Variants in PAM observed in about 807,000 individuals in gnomAD.
The protein encoded by PAM is peptidyl-glycine alpha-amidating monooxygenase.
Under a neutral mutation model 122.1 loss-of-function variants are expected in PAM, and 72 were observed. The ratio of observed to expected loss-of-function variants is 0.59; its 90% confidence interval spans 0.49 to 0.72. The LOEUF is 0.72. Among genes scored for constraint, PAM ranks in the 30% least tolerant of loss-of-function variants. PAM has a pLI of 0.00. For synonymous variants in PAM, 389 were observed against 404.4 expected (o/e 0.96, Z 0.46); for missense variants, 1,106 against 1,183.7 (o/e 0.93, Z 0.96).
chr5:102,795,523 G>T (rs1763180021), intron 1 of PAM, among the ~76,000 whole-genome samples: 3 of 152,140 alleles, frequency 2.0e-5, no homozygotes, highest in African/African-American at 7.2e-5. Context: ...TATCTGTTTT[G>T]TATCAGGCTA....
intron 1 of PAM, among the ~76,000 whole-genome samples, chr5:102,807,265 G>C (rs1016831815): frequency 6.6e-6 from 1 of 152,206 alleles, no homozygotes; most frequent in Non-Finnish European, 1.5e-5. Context: ...AATAAGTGTA[G>C]TATTTCATTA....
chr5:102,953,606 TAGAC>T (rs1478683730), intron 12 of PAM, among the ~76,000 whole-genome samples: 1 of 152,146 alleles, frequency 6.6e-6, no homozygotes, highest in African/African-American at 2.4e-5. Flanking sequence ...AAGTTTCAGA[TAGAC>T]AGGAGGAATA....
intron 1 of PAM, among the ~76,000 whole-genome samples, chr5:102,842,317 C>T (rs1277692712): frequency 6.6e-6 from 1 of 151,690 alleles, no homozygotes; most frequent in African/African-American, 2.4e-5. Flanking sequence ...CTTAAATTCC[C>T]ATGTGTTGTG....
At chr5:102,824,906 A>G (rs1773130148) in intron 1 of PAM, among the ~76,000 whole-genome samples, 1 of 152,244 alleles carries the variant, frequency 6.6e-6, no homozygotes, top group Non-Finnish European at 1.5e-5. Flanking sequence ...ACCTATATGT[A>G]GTTCCTAAAT....
intron 21 of PAM, among the ~76,000 whole-genome samples, chr5:103,015,079 C>G (rs1781608966): frequency 6.6e-6 from 1 of 152,190 alleles, no homozygotes; most frequent in Non-Finnish European, 1.5e-5. Flanking sequence ...GAAAAGTTCA[C>G]TTAAGTTAAA....
At chr5:103,015,529 C>T (rs1036845621) in intron 21 of PAM, among the ~76,000 whole-genome samples, 2 of 152,080 alleles carry the variant, frequency 1.3e-5, no homozygotes, top group Non-Finnish European at 2.9e-5. Flanking sequence ...AAAGCTTGGT[C>T]CTAAAATTTA....
chr5:102,775,514 C>T (rs111941033), intron 1 of PAM, among the ~76,000 whole-genome samples: 3,114 of 152,110 alleles, frequency 0.02, 79 homozygotes, highest in East Asian at 0.14. Flanking sequence ...CCGAAAGGCC[C>T]CAGTGTGTGT....
chr5:103,006,743 G>A (rs1582830544), intron 18 of PAM, 58 bp from the exon 19 acceptor site: 2 of 1,202,132 alleles, frequency 1.7e-6, no homozygotes, highest in South Asian at 2.7e-5. Context: ...TAGTCATGTG[G>A]GTGTAAGTCA....
At chr5:102,913,177 A>C (rs80322796) in intron 4 of PAM, among the ~76,000 whole-genome samples, 3,400 of 152,082 alleles carry the variant, frequency 0.022, 149 homozygotes, top group African/African-American at 0.076. Context: ...ATGAGAACGC[A>C]AAAGGATGAG....
chr5:102,883,486 G>T (rs547262749), intron 3 of PAM, among the ~76,000 whole-genome samples: 5 of 151,922 alleles, frequency 3.3e-5, no homozygotes, highest in African/African-American at 9.6e-5. Context: ...TGTAAAAGGG[G>T]TTGAGTCCTT....
intron 5 of PAM, among the ~76,000 whole-genome samples, chr5:102,924,451 A>G (rs1020042748): frequency 2.2e-4 from 33 of 151,222 alleles, no homozygotes; most frequent in Non-Finnish European, 3.8e-4. Context: ...AAAAAAAAAA[A>G]CAAAAAAACT....
At chr5:102,899,607 G>A (rs1797112829) in intron 3 of PAM, among the ~76,000 whole-genome samples, 1 of 151,554 alleles carries the variant, frequency 6.6e-6, no homozygotes, top group Admixed American at 6.6e-5. Context: ...TCACATTGCT[G>A]GGAATGATCT....
intron 1 of PAM, among the ~76,000 whole-genome samples, chr5:102,837,165 A>G (rs1372224068): frequency 6.6e-6 from 1 of 152,136 alleles, no homozygotes; most frequent in African/African-American, 2.4e-5. Context: ...CCCTTTTCTT[A>G]CTTCCCATTA....
rs1049853064 is a variant in PAM, at chr5:102,869,209, G to T, written c.210+1816G>T. On this transcript the variant is annotated intron_variant, in intron 3 of 25. Coordinates refer to ENST00000438793, the MANE Select transcript of PAM (RefSeq NM_001177306.2). ...TGTATCCCGCCTCCCTTTCCGCAATGATTGGTTCAAAAGAAAGTGTGTGAT... is the reference window on the plus strand; with the variant it reads ...TGTATCCCGCCTCCCTTTCCGCAATTATTGGTTCAAAAGAAAGTGTGTGAT... 3.3e-5 allele frequency among the ~76,000 whole-genome samples: 5 copies of T among 152,318 alleles called. No homozygotes were observed. The South Asian group carries it at 8.3e-4, about 25-fold the overall frequency.
chr5:102,833,682 C>CA (rs1381705665), intron 1 of PAM, among the ~76,000 whole-genome samples: 3 of 152,084 alleles, frequency 2.0e-5, no homozygotes, highest in African/African-American at 7.2e-5. Flanking sequence ...TAGAAAAAAT[C>CA]AGCATTTTTT....
intron 3 of PAM, among the ~76,000 whole-genome samples, chr5:102,884,378 T>C (rs1477171957): frequency 6.6e-6 from 1 of 151,810 alleles, no homozygotes; most frequent in Non-Finnish European, 1.5e-5. Context: ...AAATGTTTCA[T>C]TCCTATTCCC....
chr5:102,878,894 T>C (rs940812857), intron 3 of PAM, among the ~76,000 whole-genome samples: 1 of 151,886 alleles, frequency 6.6e-6, no homozygotes, highest in Non-Finnish European at 1.5e-5. Context: ...TAAGCTAAGG[T>C]TGATTTATTA....
intron 17 of PAM, among the ~76,000 whole-genome samples, chr5:103,003,955 CAAA>C (rs35343295): frequency 7.8e-6 from 1 of 127,932 alleles, no homozygotes; most frequent in African/African-American, 2.9e-5. Context: ...ACTTGGCAGC[CAAA>C]AAAAAAAAAA....
chr5:102,802,837 A>G (rs76193871), intron 1 of PAM, among the ~76,000 whole-genome samples: 7,776 of 152,248 alleles, frequency 0.051, 668 homozygotes, highest in African/African-American at 0.18. Context: ...CATTATCTTT[A>G]TCTTCATAAC....
Sources: allele counts gnomAD v4.1 joint callset (sites outside exome capture counted in the v4.1 genomes callset), GRCh38; gene constraint gnomAD v4.1.1; transcripts MANE v1.5; gene names NCBI Gene and HGNC (gene_info 2026-07-23, HGNC 2026-07-21).